Variants in FRMD4A observed in about 807,000 individuals in gnomAD.
FRMD4A encodes FERM domain-containing protein 4A.
FRMD4A carries 29 observed loss-of-function variants against 129.1 expected under a neutral mutation model. That is an observed-to-expected ratio of 0.22 (90% confidence interval 0.17 to 0.31). The LOEUF is 0.31. Among genes scored for constraint, FRMD4A ranks in the 10% least tolerant of loss-of-function variants. The probability of loss-of-function intolerance (pLI) is 1.00; values close to 1 mark genes in which losing one functional copy is unlikely to be tolerated. For synonymous variants in FRMD4A, 634 were observed against 571.6 expected (o/e 1.11, Z -1.56); for missense variants, 1,272 against 1,375.8 (o/e 0.92, Z 1.19).
At chr10:13,820,107 C>G (rs1429434812) in intron 3 of FRMD4A, among the ~76,000 whole-genome samples, 1 of 152,130 alleles carries the variant, frequency 6.6e-6, no homozygotes, top group Non-Finnish European at 1.5e-5. Context: ...AGGCGAGGAA[C>G]CCCAGTCACT....
chr10:13,689,288 T>A (rs1254459220), intron 15 of FRMD4A, among the ~76,000 whole-genome samples: 1 of 143,042 alleles, frequency 7.0e-6, no homozygotes, highest in Non-Finnish European at 1.5e-5. Flanking sequence ...GAAATGTTTA[T>A]ACCACAGAAA....
chr10:13,679,359 G>C (rs1394755128), intron 15 of FRMD4A, among the ~76,000 whole-genome samples: 2 of 142,916 alleles, frequency 1.4e-5, no homozygotes, highest in Non-Finnish European at 3.0e-5. Flanking sequence ...CCCGGGAGGC[G>C]GAGGTTGCAA....
intron 2 of FRMD4A, among the ~76,000 whole-genome samples, chr10:13,982,419 G>A (rs11258772): frequency 0.043 from 6,117 of 143,612 alleles, 422 homozygotes; most frequent in African/African-American, 0.15. Flanking sequence ...GGAGGTCAAG[G>A]CTACAGTAAG....
At chr10:13,808,230 A>C (rs139019709) in intron 4 of FRMD4A, among the ~76,000 whole-genome samples, 205 of 152,346 alleles carry the variant, frequency 1.3e-3, no homozygotes, top group African/African-American at 4.7e-3. Flanking sequence ...GAAATAGACA[A>C]ATACATGTGA....
chr10:14,160,217 C>T (rs920640121), intron 2 of FRMD4A, among the ~76,000 whole-genome samples: 12 of 152,040 alleles, frequency 7.9e-5, no homozygotes, highest in African/African-American at 1.9e-4. Context: ...CATTGAGGAA[C>T]GAACATCCTC....
intron 2 of FRMD4A, among the ~76,000 whole-genome samples, chr10:14,035,220 C>T (rs1056260435): frequency 1.3e-5 from 2 of 151,854 alleles, no homozygotes; most frequent in Non-Finnish European, 2.9e-5. Flanking sequence ...TGAGACCACC[C>T]TGGCCAACAA....
intron 2 of FRMD4A, among the ~76,000 whole-genome samples, chr10:14,104,296 C>T (rs904940052): frequency 3.3e-5 from 5 of 151,578 alleles, no homozygotes; most frequent in South Asian, 2.1e-4. Context: ...CTGCCATCGA[C>T]GTTACACCGC....
At chr10:14,005,799 C>T (rs2095660138) in intron 2 of FRMD4A, among the ~76,000 whole-genome samples, 1 of 152,210 alleles carries the variant, frequency 6.6e-6, no homozygotes, top group African/African-American at 2.4e-5. Context: ...TAAAACTCTC[C>T]ACGCCTTGGT....
intron 2 of FRMD4A, among the ~76,000 whole-genome samples, chr10:14,221,891 G>T (rs1843274206): frequency 6.6e-6 from 1 of 152,160 alleles, no homozygotes; most frequent in Non-Finnish European, 1.5e-5. Flanking sequence ...TGTTATTGGA[G>T]GGTCTGCAGT....
chr10:14,030,142 T>C (rs1833169256), intron 2 of FRMD4A, among the ~76,000 whole-genome samples: 1 of 152,202 alleles, frequency 6.6e-6, no homozygotes, highest in Non-Finnish European at 1.5e-5. Context: ...GTACAAAGTT[T>C]CAGTTACGCA....
chr10:13,666,299 T>C lies in FRMD4A; in HGVS notation c.1401A>G (p.Arg467=). The change falls in exon 18 of 25, where the codon CGA becomes CGG. Residue 467 remains arginine, a synonymous_variant. Transcript: ENST00000357447. ...TAATCTGGGACTGAATGGCAAACTC[T>C]CGTTCCAGGCGTTCCAGCTCAGCTT... The part of the protein sequence containing the change: ...GEEAELERLE[R]EFAIQSQITE... The C allele has an allele frequency of 6.2e-7, 1 of 1,614,062 alleles. No homozygotes were observed. Among genetic ancestry groups the C allele is most frequent in the Non-Finnish European group, 8.5e-7 (1 of 1,179,916 alleles).
At chr10:13,990,682 C>A (rs924845617) in intron 2 of FRMD4A, among the ~76,000 whole-genome samples, 1 of 152,162 alleles carries the variant, frequency 6.6e-6, no homozygotes, top group South Asian at 2.1e-4. Flanking sequence ...GGAGCCCCAG[C>A]AGGCTGGCGA....
intron 2 of FRMD4A, among the ~76,000 whole-genome samples, chr10:14,011,912 G>C (rs987619539): frequency 6.6e-6 from 1 of 152,056 alleles, no homozygotes; most frequent in Non-Finnish European, 1.5e-5. Context: ...GGGAGGCTGA[G>C]GCAGGAGGAT....
At chr10:14,215,968 A>T (rs1276897207) in intron 2 of FRMD4A, among the ~76,000 whole-genome samples, 1 of 152,122 alleles carries the variant, frequency 6.6e-6, no homozygotes, top group Non-Finnish European at 1.5e-5. Context: ...AATAAAAAAA[A>T]AACCACGTTG....
At chr10:14,138,082 T>C (rs79688957) in intron 2 of FRMD4A, among the ~76,000 whole-genome samples, 2,375 of 152,326 alleles carry the variant, frequency 0.016, 26 homozygotes, top group Non-Finnish European at 0.025. Flanking sequence ...GCTTAGAACA[T>C]CTTTACCTAA....
chr10:14,009,116 A>T (rs999177592), intron 2 of FRMD4A, among the ~76,000 whole-genome samples: 1 of 152,196 alleles, frequency 6.6e-6, no homozygotes, highest in African/African-American at 2.4e-5. Flanking sequence ...TTATTTTCTG[A>T]TCATATTGTG....
rs1256995046 is a variant in FRMD4A, at chr10:14,029,054, A to G, written c.46-170142T>C. Among the ~76,000 whole-genome samples the G allele has an allele frequency of 2.0e-5, 3 of 152,098 alleles. No individual in the cohort carries two copies. In the East Asian group the frequency reaches 5.8e-4, roughly 29 times the overall value. On this transcript the variant is annotated intron_variant, in intron 2 of 24. Coordinates refer to ENST00000357447, the MANE Select transcript of FRMD4A (RefSeq NM_018027.5). The stretch of plus-strand genomic sequence containing the variant: ...GTTGAGAATAATTAATCAGTGACAC[A>G]CTCTATACGGTAGGCAAACACCGGA...
intron 2 of FRMD4A, among the ~76,000 whole-genome samples, chr10:14,213,338 A>G (rs183540785): frequency 9.2e-5 from 14 of 152,350 alleles, no homozygotes; most frequent in African/African-American, 3.1e-4. Flanking sequence ...TGTACTATGG[A>G]CCAGGTACTC....
At chr10:13,711,578 G>C (rs1190779000) in intron 12 of FRMD4A, among the ~76,000 whole-genome samples, 3 of 152,256 alleles carry the variant, frequency 2.0e-5, no homozygotes, top group African/African-American at 7.2e-5. Context: ...TTAGGGATTT[G>C]TGTAACGCCT....
Sources: gnomAD v4.1 joint callset for allele counts (sites outside exome capture counted in the v4.1 genomes callset) on GRCh38, gnomAD v4.1.1 for gene constraint, MANE v1.5 for transcripts, NCBI Gene and HGNC (gene_info 2026-07-23, HGNC 2026-07-21) for gene names.